The following EEF2K variants were observed in gnomAD, a reference collection of about 807,000 sequenced individuals.
EEF2K encodes the protein alternative protein EEF2K.
In EEF2K, 70 loss-of-function variants were observed where a neutral mutation model predicts 93.8. The ratio of observed to expected loss-of-function variants is 0.75; its 90% CI spans 0.62 to 0.91. The LOEUF is 0.91. Ranked by LOEUF, EEF2K falls within the 40% of genes least tolerant of loss-of-function variation. The pLI is 0.00. For missense variants in EEF2K, 935 were observed against 972.9 expected, an observed-to-expected ratio of 0.96 and a Z score of 0.52; for synonymous variants, 376 against 380.8, an observed-to-expected ratio of 0.99 and a Z score of 0.15.
Position 22,207,525 on chromosome 16 carries a change from C to G in EEF2K, c.-77+846C>G, listed in dbSNP as rs924177286. Among the ~76,000 whole-genome samples the G allele has an allele frequency of 1.6e-4, 24 of 152,064 alleles. 2 individuals are homozygous for G. Among genetic ancestry groups the G allele is most frequent in the Admixed American group, 1.4e-3 (22 of 15,264 alleles). ...GTATTAGTATCTACCACTTAGTATCCTTGGAAAGAGTAGATGAGTATGTAT... is the reference window on the plus strand; with the variant it reads ...GTATTAGTATCTACCACTTAGTATCGTTGGAAAGAGTAGATGAGTATGTAT... On this transcript the variant is annotated intron_variant, in intron 1 of 17. Coordinates refer to ENST00000263026, the MANE Select transcript of EEF2K (RefSeq NM_013302.5).
In EEF2K at chr16:22,206,321, T is replaced by C. The variant is rs564617777; in HGVS notation, c.-435T>C. On this transcript the variant is annotated 5_prime_UTR_variant, in exon 1 of 18. Transcript: ENST00000263026. Reference sequence around the variant, plus strand: ...CCAGCTTCAGCCTCAGCTCCCCTCCTTCCTGGATCGAGCGCCCGCACTCCC... The same window carrying C: ...CCAGCTTCAGCCTCAGCTCCCCTCCCTCCTGGATCGAGCGCCCGCACTCCC... 6.8e-6 allele frequency: 1 copy of C among 146,674 alleles called. No individual in the cohort carries two copies. The highest frequency in any genetic ancestry group is 1.5e-5 in the Non-Finnish European group (1 of 66,986). The allele number at this position is 146,674 out of a possible 1,614,324, so 9.1% of individuals were successfully genotyped here.
At chr16:22,278,219 AAG>A (rs1407998523) in intron 16 of EEF2K, among the ~76,000 whole-genome samples, 1 of 151,992 alleles carries the variant, frequency 6.6e-6, no homozygotes, top group Admixed American at 6.6e-5. Flanking sequence ...GAAAAGAAAA[AAG>A]AGAGAGCAAA....
chr16:22,257,038 GACCCGTC>G, intron 7 of EEF2K, 141 bp downstream of exon 7: 1 of 1,426,838 alleles, frequency 7.0e-7, no homozygotes, highest in Non-Finnish European at 9.4e-7. Context: ...TTCAGAAGGA[GACCCGTC>G]ACCCCATGAC....
chr16:22,251,382 G>A (rs985675433), intron 6 of EEF2K, 60 bp downstream of exon 6: 5 of 1,574,428 alleles, frequency 3.2e-6, no homozygotes, highest in Non-Finnish European at 4.3e-6. Flanking sequence ...CAGTGTCTGG[G>A]AAAGAGGGCC....
chr16:22,223,432 C>G (rs1807438877), intron 1 of EEF2K, among the ~76,000 whole-genome samples: 1 of 152,104 alleles, frequency 6.6e-6, no homozygotes, highest in Admixed American at 6.6e-5. Context: ...GCATGCACCA[C>G]CACGCCTGGC....
At chr16:22,265,642 G>A (rs1254110580) in intron 13 of EEF2K, among the ~76,000 whole-genome samples, 1 of 152,202 alleles carries the variant, frequency 6.6e-6, no homozygotes, top group Non-Finnish European at 1.5e-5. Flanking sequence ...GGCACTACTG[G>A]CATTCTGGGC....
rs1043321494 is a variant in EEF2K at position 22,287,141 on chromosome 16, A to T, written c.*3145A>T. 4 of 152,318 alleles carry T rather than the reference A, an allele frequency of 2.6e-5. No individual in the cohort carries two copies. Among genetic ancestry groups the T allele is most frequent in the African/African-American group, 9.7e-5 (4 of 41,446 alleles). The allele number at this position is 152,318 out of a possible 1,614,324, so 9.4% of individuals were successfully genotyped here. ...TTTGGGAGGCTGAGGTGGGCGGATC[A>T]CCTGAAGTCAGCTACTCGGGAGGCT... On this transcript the variant is annotated 3_prime_UTR_variant, in exon 18 of 18. Transcript: ENST00000263026.
At chr16:22,274,376 G>A (rs567310791) in intron 16 of EEF2K, among the ~76,000 whole-genome samples, 246 of 151,440 alleles carry the variant, frequency 1.6e-3, no homozygotes, top group Non-Finnish European at 3.2e-3. Context: ...CCCGGGAGGC[G>A]GAGATTGCCG....
At chr16:22,265,111 G>C (rs1024809932) in intron 13 of EEF2K, 4 of 491,080 alleles carry the variant, frequency 8.1e-6, no homozygotes, top group Admixed American at 3.3e-5. Flanking sequence ...CCCCATCCTG[G>C]AGGGGAAATC....
At chr16:22,210,808 G>C (rs749600256) in intron 1 of EEF2K, among the ~76,000 whole-genome samples, 8 of 152,174 alleles carry the variant, frequency 5.3e-5, no homozygotes, top group African/African-American at 9.7e-5. Flanking sequence ...GTGTGTACCA[G>C]ACAGAGGGCA....
intron 15 of EEF2K, among the ~76,000 whole-genome samples, chr16:22,268,462 T>A (rs1376825671): frequency 6.7e-6 from 1 of 150,330 alleles, no homozygotes; most frequent in African/African-American, 2.4e-5. Flanking sequence ...TGAGCCACCA[T>A]GCCGGACTAT....
rs149354759 is a variant in EEF2K at position 22,257,222 on chromosome 16, G to A, written c.769-31G>A. 1,725 of 1,613,926 alleles carry A rather than the reference G, an allele frequency of 1.1e-3. 11 individuals carry two copies. The African/African-American group carries it at 0.02, about 19-fold the overall frequency. On this transcript the variant is annotated intron_variant, in intron 7 of 17. Transcript: ENST00000263026. ...CTGCACAGACCTCAGCCTGTCTCTT[G>A]ACATCTCGTTTTCCTTCCTGTCCCC...
chr16:22,271,623 A>G (rs2141683807), intron 15 of EEF2K, among the ~76,000 whole-genome samples: 1 of 151,766 alleles, frequency 6.6e-6, no homozygotes, highest in South Asian at 2.1e-4. Flanking sequence ...TAAAAACCAT[A>G]CACTACAGGA....
At chr16:22,212,176 A>G (rs1015617846) in intron 1 of EEF2K, among the ~76,000 whole-genome samples, 8 of 152,234 alleles carry the variant, frequency 5.3e-5, no homozygotes, top group African/African-American at 9.6e-5. Flanking sequence ...AAACAATAAA[A>G]TAGCCCTTGC....
rs1362785744 is a variant in EEF2K at position 22,244,692 on chromosome 16, C to G, written c.309C>G (p.His103Gln). ...KHMPDPWAEFHLEDIATERAT... is the reference protein window; with the variant it reads ...KHMPDPWAEFQLEDIATERAT... ...TGCCCGACCCCTGGGCTGAGTTCCA[C>G]CTGGAAGATATTGCCACCGAACGTG... The change falls in exon 3 of 18, where the codon CAC becomes CAG. Residue 103 changes from histidine (H) to glutamine (Q), a missense_variant. His to Gln is a conservative substitution (Grantham distance 24). Coordinates refer to ENST00000263026, the MANE Select transcript of EEF2K (RefSeq NM_013302.5). 1 of 1,614,050 alleles carries G rather than the reference C, an allele frequency of 6.2e-7. No individual in the cohort carries two copies.
chr16:22,260,653 A>G, intron 11 of EEF2K, 124 bp downstream of exon 11: 1 of 1,182,590 alleles, frequency 8.5e-7, no homozygotes. Flanking sequence ...CCAGGAGGGC[A>G]CAGAATGGGG....
chr16:22,273,870 C>A, intron 16 of EEF2K, 120 bp downstream of exon 16: 2 of 1,422,288 alleles, frequency 1.4e-6, no homozygotes, highest in Admixed American at 2.6e-5. Context: ...AGTCCAGCAA[C>A]CATGGGCAAC....
At chr16:22,220,659 G>A (rs1023754975) in intron 1 of EEF2K, among the ~76,000 whole-genome samples, 1 of 152,184 alleles carries the variant, frequency 6.6e-6, no homozygotes, top group Non-Finnish European at 1.5e-5. Flanking sequence ...TCCCCAGGCT[G>A]GCCTCGAACT....
intron 2 of EEF2K, among the ~76,000 whole-genome samples, chr16:22,234,026 C>T (rs539941873): frequency 1.3e-5 from 2 of 152,324 alleles, no homozygotes; most frequent in South Asian, 4.1e-4. Flanking sequence ...TCTTGTCCTG[C>T]CACAAACAGC....
Sources: allele counts gnomAD v4.1 joint callset (sites outside exome capture counted in the v4.1 genomes callset), GRCh38; gene constraint gnomAD v4.1.1; transcripts MANE v1.5; gene names NCBI Gene and HGNC (gene_info 2026-07-23, HGNC 2026-07-21).